TCFL5: variants seen among roughly 807,000 people sequenced by gnomAD.
TCFL5 encodes transcription factor-like 5 protein.
Under a neutral mutation model 44.3 loss-of-function variants are expected in TCFL5, and 9 were observed. The observed-to-expected ratio is 0.20, with a 90% CI of 0.12 to 0.35. The LOEUF (loss-of-function observed/expected upper bound fraction) is 0.35, where lower values mean the gene tolerates loss of function less well. Among genes scored for constraint, TCFL5 ranks in the 10% least tolerant of loss-of-function variants. TCFL5 has a pLI of 1.00. For synonymous variants in TCFL5, 319 were observed against 271.6 expected, an observed-to-expected ratio of 1.17 and a Z score of -1.72; for missense variants, 603 against 613.4, an observed-to-expected ratio of 0.98 and a Z score of 0.18.
At chr20:62,860,861 C>A (rs1265794914) in intron 1 of TCFL5, among the ~76,000 whole-genome samples, 163 bp downstream of exon 1, 1 of 152,140 alleles carries the variant, frequency 6.6e-6, no homozygotes, top group African/African-American at 2.4e-5. Flanking sequence ...GCGCACACAG[C>A]CTTTCGGGGC....
intron 4 of TCFL5, among the ~76,000 whole-genome samples, chr20:62,856,046 C>G (rs1021920718): frequency 6.6e-6 from 1 of 151,560 alleles, no homozygotes; most frequent in Non-Finnish European, 1.5e-5. Context: ...GTCAGGAGTT[C>G]GAGACCAACC....
chr20:62,843,077 G>A (rs1035324062), intron 5 of TCFL5, among the ~76,000 whole-genome samples: 3 of 152,194 alleles, frequency 2.0e-5, no homozygotes, highest in Non-Finnish European at 2.9e-5. Flanking sequence ...GATGACAGGC[G>A]CCAACCACCA....
intron 5 of TCFL5, among the ~76,000 whole-genome samples, chr20:62,849,157 G>A (rs913087797): frequency 1.8e-4 from 27 of 147,778 alleles, no homozygotes; most frequent in African/African-American, 3.2e-4. Flanking sequence ...AGAGCGAGAC[G>A]CCGTCTCAAA....
intron 5 of TCFL5, chr20:62,846,084 A>G (rs1195639804): frequency 1.8e-5 from 24 of 1,321,740 alleles, no homozygotes; most frequent in East Asian, 1.0e-4. Context: ...AAGCAAGTCC[A>G]TAACATGACG....
chr20:62,851,461 T>C (rs1490367765), intron 5 of TCFL5: 8 of 899,468 alleles, frequency 8.9e-6, no homozygotes, highest in African/African-American at 1.8e-5. Flanking sequence ...GATTTACTAA[T>C]AGATACACAA....
chr20:62,858,021 T>A (rs1232062228), intron 3 of TCFL5, among the ~76,000 whole-genome samples: 2 of 151,590 alleles, frequency 1.3e-5, no homozygotes, highest in African/African-American at 4.9e-5. Flanking sequence ...ACAAACCACC[T>A]GGACATATTT....
In TCFL5 at chr20:62,841,031, T is replaced by C; in HGVS notation, c.*944A>G. 2.5e-6 allele frequency: 1 copy of C among 399,704 alleles called. No homozygotes were observed. The highest frequency in any genetic ancestry group is 4.6e-6 in the Non-Finnish European group (1 of 215,852). 24.8% of individuals were successfully genotyped at this position (399,704 alleles called of 1,614,324 possible). A position where few individuals can be genotyped will look rare whatever the true frequency, so the allele number is the denominator to read the frequency against. ...GAGGTGAAAAATATTCAGTAACTTG[T>C]TTACATAGCATTTGTGTAAAGACTA... is the stretch of plus-strand genomic sequence containing the variant. On this transcript the variant is annotated 3_prime_UTR_variant, in exon 6 of 6. Coordinates refer to ENST00000335351, the MANE Select transcript of TCFL5 (RefSeq NM_006602.4).
chr20:62,857,652 G>GA lies in TCFL5; in HGVS notation c.995-15dup, dbSNP rs772608346. 1.9e-6 allele frequency: 3 copies of GA among 1,600,738 alleles called. No individual in the cohort carries two copies. The highest frequency in any genetic ancestry group is 2.6e-6 in the Non-Finnish European group (3 of 1,173,848). On this transcript the variant is annotated splice_polypyrimidine_tract_variant and intron_variant, in intron 3 of 5. Coordinates refer to ENST00000335351, the MANE Select transcript of TCFL5 (RefSeq NM_006602.4). ...ATAGCGCTGCTTCTTTGCGAAAGAA[G>GA]AAAAAAGTGGTTTTTAATTTTGTAT...
chr20:62,860,155 A>T lies in TCFL5; in HGVS notation c.801T>A (p.Thr267=). ...TCTGTGAAAGATTAGAATTTCCACT[A>T]GTAGAGCAAGCATTTGTAGTAAACA... ...YPLFTTNACS[T]SGNSNLSQTQ... is the part of the protein sequence containing the mutation. Residue 267 remains threonine (T), a synonymous_variant, in exon 2 of 6, where the codon ACT becomes ACA. Transcript: ENST00000335351. The T allele has an allele frequency of 6.2e-7, 1 of 1,612,438 alleles. No individual in the cohort carries two copies. Among genetic ancestry groups the T allele is most frequent in the East Asian group, 2.2e-5 (1 of 44,840 alleles).
At position 62,861,160 on chromosome 20, in the gene TCFL5, G is replaced by A. The variant is rs1209615551; in HGVS notation, c.511C>T (p.Pro171Ser). ...GAGAAAAAAGPDGAPEARAKP... is the reference protein window; with the variant it reads ...GAGAAAAAAGSDGAPEARAKP... Reference sequence around the variant, plus strand: ...GCCCGGGCCTCGGGCGCGCCGTCGGGTCCAGCCGCAGCCGCAGCCGCGCCC... The same window carrying A: ...GCCCGGGCCTCGGGCGCGCCGTCGGATCCAGCCGCAGCCGCAGCCGCGCCC... Residue 171 changes from proline (P) to serine (S), a missense_variant, in exon 1 of 6, where the codon CCC becomes TCC. Physicochemically the swap from Pro to Ser is moderately conservative, Grantham distance 74. Around this residue, in one of 4 missense-constraint regions of TCFL5, gnomAD observed 540 missense variants for 478.7 expected, o/e 1.13. Transcript: ENST00000335351. This position sits in a 1 kb window ranked among gnomAD's most constrained non-coding sequence, Gnocchi z 4.0. The A allele has an allele frequency of 1.4e-5, 14 of 1,016,330 alleles. No individual in the cohort carries two copies. The highest frequency in any genetic ancestry group is 4.8e-4 in the Middle Eastern group (1 of 2,086). The allele number at this position is 1,016,330 out of a possible 1,614,324, so 63.0% of individuals were successfully genotyped here.
At position 62,854,164 on chromosome 20, in the gene TCFL5, T is replaced by C. The variant is rs2063853202; in HGVS notation, c.1239-7A>G. ...GCAAATGCGGATTCTGCGCCTATAG[T>C]CAAAACCCAAAGTCATCACCGAGAG... On this transcript the variant is annotated splice_polypyrimidine_tract_variant and splice_region_variant and intron_variant, in intron 4 of 5. Transcript: ENST00000335351. The C allele has an allele frequency of 1.9e-6, 3 of 1,613,098 alleles. No individual in the cohort carries two copies. Among genetic ancestry groups the C allele is most frequent in the African/African-American group, 2.7e-5 (2 of 74,720 alleles).
At chr20:62,858,021 T>C (rs1232062228) in intron 3 of TCFL5, among the ~76,000 whole-genome samples, 2 of 151,590 alleles carry the variant, frequency 1.3e-5, no homozygotes, top group African/African-American at 4.9e-5. Context: ...ACAAACCACC[T>C]GGACATATTT....
At chr20:62,858,611 G>T (rs2063932834) in intron 3 of TCFL5, among the ~76,000 whole-genome samples, 1 of 151,830 alleles carries the variant, frequency 6.6e-6, no homozygotes, top group African/African-American at 2.4e-5. Context: ...TCACAAATCA[G>T]TTTCCCAGGG....
chr20:62,851,895 C>T (rs1194019763), intron 5 of TCFL5: 27 of 906,824 alleles, frequency 3.0e-5, no homozygotes, highest in Non-Finnish European at 3.3e-5. Context: ...TTGCAACCTC[C>T]GCCTCCCGGG....
Position 62,860,284 on chromosome 20 carries a change from T to G in TCFL5, c.672A>C (p.Pro224=). The stretch of plus-strand genomic sequence containing the variant: ...GAAGAGGAACATTCATTAGTTCAGA[T>G]GGATGTCGAATGAGAGTTACCAAAC... ...LNNLVTLIRH[P]SELMNVPLQQ... is the part of the protein sequence containing the mutation. The change falls in exon 2 of 6, where the codon CCA becomes CCC. Residue 224 remains proline (P), a synonymous_variant. Coordinates refer to ENST00000335351, the MANE Select transcript of TCFL5 (RefSeq NM_006602.4). The G allele has an allele frequency of 6.2e-7, 1 of 1,610,906 alleles. No homozygotes were observed. The highest frequency in any genetic ancestry group is 8.5e-7 in the Non-Finnish European group (1 of 1,177,252).
chr20:62,861,048 G>C lies in TCFL5; in HGVS notation c.623C>G (p.Pro208Arg). Residue 208 changes from proline to arginine, a missense_variant, in exon 1 of 6, where the codon CCC (proline) becomes CGC (arginine). Transcript: ENST00000335351. This position sits in a 1 kb window ranked among gnomAD's most constrained non-coding sequence, Gnocchi z 4.0. Reference sequence around the variant, plus strand: ...CTTGTTGAGCGCCCCGCCCGGCTCGGGGGGCTCGGGGCCGCGCGGCGCGGG... The same window carrying C: ...CTTGTTGAGCGCCCCGCCCGGCTCGCGGGGCTCGGGGCCGCGCGGCGCGGG... Reference protein sequence around the residue: ...PPPAPRGPEPPEPGGALNNLV... With the variant: ...PPPAPRGPEPREPGGALNNLV... The C allele has an allele frequency of 2.0e-6, 2 of 994,982 alleles. No individual in the cohort carries two copies. The highest frequency in any genetic ancestry group is 1.2e-6 in the Non-Finnish European group (1 of 837,828). The allele number at this position is 994,982 out of a possible 1,614,324, so 61.6% of individuals were successfully genotyped here.
intron 5 of TCFL5, among the ~76,000 whole-genome samples, chr20:62,850,755 C>A (rs1313191979): frequency 6.6e-6 from 1 of 152,198 alleles, no homozygotes; most frequent in East Asian, 1.9e-4. Flanking sequence ...GGTGCCCTGC[C>A]CAGCAACACT....
At position 62,861,439 on chromosome 20, in the gene TCFL5, T is replaced by A. The variant is rs2064007314; in HGVS notation, c.232A>T (p.Asn78Tyr). ...AADGELETRL[N>Y]SALLAAAGPG... Reference sequence around the variant, plus strand: ...CCCGCCGCCGCCAGCAGCGCCGAGTTGAGGCGCGTCTCGAGCTCGCCGTCA... The same window carrying A: ...CCCGCCGCCGCCAGCAGCGCCGAGTAGAGGCGCGTCTCGAGCTCGCCGTCA... Residue 78 changes from asparagine to tyrosine, a missense_variant, in exon 1 of 6, where the codon AAC becomes TAC. Coordinates refer to ENST00000335351, the MANE Select transcript of TCFL5 (RefSeq NM_006602.4). The surrounding 1 kb of genome is among the most constrained non-coding windows in gnomAD (Gnocchi z 4.0). 5.2e-6 allele frequency: 6 copies of A among 1,164,746 alleles called. No individual in the cohort carries two copies. Among genetic ancestry groups the A allele is most frequent in the Non-Finnish European group, 6.4e-6 (6 of 936,136 alleles). The allele number at this position is 1,164,746 out of a possible 1,614,324, so 72.2% of individuals were successfully genotyped here.
At chr20:62,859,580 T>A in intron 2 of TCFL5, 54 bp from the exon 3 acceptor site, 2 of 1,515,678 alleles carry the variant, frequency 1.3e-6, no homozygotes, top group Non-Finnish European at 1.8e-6. Flanking sequence ...TACTCTCCTC[T>A]TTACTGCACA....
Sources: allele counts gnomAD v4.1 joint callset (sites outside exome capture counted in the v4.1 genomes callset), GRCh38; gene constraint gnomAD v4.1.1; regional missense constraint gnomAD v4.1.1; non-coding constraint Gnocchi (gnomAD v3.1); transcripts MANE v1.5; gene names NCBI Gene and HGNC (gene_info 2026-07-23, HGNC 2026-07-21).